PIK3C3: variants seen among roughly 807,000 people sequenced by gnomAD.
PIK3C3 encodes PI3-kinase type 3.
PIK3C3 carries 95 observed loss-of-function variants against 126.1 expected under a neutral mutation model. The observed-to-expected ratio is 0.75, with a 90% CI of 0.64 to 0.89. The LOEUF (loss-of-function observed/expected upper bound fraction) is 0.89. PIK3C3 is among the 40% of genes least tolerant of loss of function. The pLI, the probability that PIK3C3 is intolerant of heterozygous loss-of-function variation, is 0.00. For synonymous variants in PIK3C3, 374 were observed against 360.0 expected, an observed-to-expected ratio of 1.04 and a Z score of -0.44; for missense variants, 829 against 1,063.2, an observed-to-expected ratio of 0.78 and a Z score of 3.06.
chr18:42,070,495 T>A (rs1218483727), intron 24 of PIK3C3: 1 of 152,092 alleles, frequency 6.6e-6, no homozygotes, highest in Non-Finnish European at 1.5e-5. Context: ...TTTTCTTAAT[T>A]CTCTTTATTA....
chr18:42,021,442 A>G (rs1416988546), intron 13 of PIK3C3, among the ~76,000 whole-genome samples: 6 of 152,188 alleles, frequency 3.9e-5, no homozygotes, highest in East Asian at 1.9e-4. Flanking sequence ...TTTTGCTTCA[A>G]TAAAAAAAAA....
chr18:42,027,350 AAATT>A (rs1404135911), intron 13 of PIK3C3, 89 bp from the exon 14 acceptor site: 37 of 570,530 alleles, frequency 6.5e-5, no homozygotes, highest in African/African-American at 5.9e-4. Context: ...TTGCATATGT[AAATT>A]AATCTGTTTT....
At position 42,027,562 on chromosome 18, in the gene PIK3C3, G is replaced by T; in HGVS notation, c.1590+14G>T. On this transcript the variant is annotated intron_variant, in intron 14 of 24. Coordinates refer to ENST00000262039, the MANE Select transcript of PIK3C3 (RefSeq NM_002647.4). ...GCATTGTTGAAGGTAACCCTTAAAT[G>T]TGAGGGTTGGCAAACTGCAGCACAT... The T allele has an allele frequency of 6.6e-7, 1 of 1,522,602 alleles. No homozygotes were observed. Among genetic ancestry groups the T allele is most frequent in the Non-Finnish European group, 9.1e-7 (1 of 1,099,636 alleles). The allele number at this position is 1,522,602 out of a possible 1,614,324, so 94.3% of individuals were successfully genotyped here. A position where few individuals can be genotyped will look rare whatever the true frequency, so the allele number is the denominator to read the frequency against.
intron 19 of PIK3C3, among the ~76,000 whole-genome samples, chr18:42,042,478 C>A (rs1984366112): frequency 1.3e-5 from 2 of 152,174 alleles, no homozygotes; most frequent in South Asian, 4.1e-4. Context: ...CCCTTCAAGA[C>A]ACCAGTTTTT....
intron 10 of PIK3C3, among the ~76,000 whole-genome samples, chr18:42,005,258 C>T (rs951490559): frequency 1.3e-5 from 2 of 152,126 alleles, no homozygotes; most frequent in Admixed American, 1.3e-4. Flanking sequence ...GGTTACAAAC[C>T]TGTATAGCAT....
intron 22 of PIK3C3, among the ~76,000 whole-genome samples, chr18:42,062,438 A>T (rs936528550): frequency 1.4e-5 from 2 of 146,896 alleles, no homozygotes; most frequent in African/African-American, 2.5e-5. Flanking sequence ...ACATTATGAG[A>T]TTTTTTTTTT....
In PIK3C3 at chr18:41,955,308, A is replaced by C. The variant is rs1382288673; in HGVS notation, c.17A>C (p.Lys6Thr). MGEAE[K>T]FHYIYSCDLD... is the part of the protein sequence containing the mutation. Reference sequence around the variant, plus strand: ...GACGGTGCGATGGGGGAAGCAGAGAAGTTTCACTACATCTATAGTTGTGAC... The same window carrying C: ...GACGGTGCGATGGGGGAAGCAGAGACGTTTCACTACATCTATAGTTGTGAC... The change falls in exon 1 of 25, where the codon AAG becomes ACG. Residue 6 changes from lysine to threonine, a missense_variant. By Grantham distance (78) the Lys-to-Thr change is moderately conservative (BLOSUM62 -1). This residue lies in a region of PIK3C3 where 313 missense variants were observed against 340.7 expected (regional missense o/e 0.92). Transcript: ENST00000262039. 28 of 1,613,430 alleles carry C rather than the reference A, an allele frequency of 1.7e-5. No homozygotes were observed. In the Admixed American group the frequency reaches 4.7e-4, roughly 27 times the overall value.
chr18:41,992,029 T>C (rs1981803233), intron 6 of PIK3C3, among the ~76,000 whole-genome samples: 1 of 152,180 alleles, frequency 6.6e-6, no homozygotes, highest in African/African-American at 2.4e-5. Flanking sequence ...ACTGGAGATG[T>C]GAAGGATCCT....
chr18:41,968,308 A>G (rs111678637), intron 3 of PIK3C3, among the ~76,000 whole-genome samples: 1 of 152,154 alleles, frequency 6.6e-6, no homozygotes, highest in Admixed American at 6.5e-5. Context: ...TTATCATCTC[A>G]CTGTACGTAG....
intron 4 of PIK3C3, among the ~76,000 whole-genome samples, chr18:41,985,460 C>T (rs965801115): frequency 6.6e-6 from 1 of 152,112 alleles, no homozygotes; most frequent in African/African-American, 2.4e-5. Flanking sequence ...ATTTCCATAG[C>T]ATAAATGGTA....
intron 3 of PIK3C3, among the ~76,000 whole-genome samples, chr18:41,966,177 CTTTTTTTTT>C (rs10539758): frequency 1.8e-5 from 2 of 112,574 alleles, no homozygotes; most frequent in African/African-American, 7.4e-5. Flanking sequence ...TATATTGTTC[CTTTTTTTTT>C]TTTTTTTTTT....
At chr18:42,049,416 A>G (rs1404073864) in intron 20 of PIK3C3, 115 bp from the exon 21 acceptor site, 1 of 594,674 alleles carries the variant, frequency 1.7e-6, no homozygotes, top group Non-Finnish European at 2.9e-6. Flanking sequence ...ATGAGAAACC[A>G]GAGACATTAG....
chr18:41,962,290 T>C (rs1980127613), intron 2 of PIK3C3, among the ~76,000 whole-genome samples, 199 bp from the exon 3 acceptor site: 1 of 152,198 alleles, frequency 6.6e-6, no homozygotes, highest in South Asian at 2.1e-4. Flanking sequence ...TTTCATGAGC[T>C]CTATTAAAAC....
At chr18:42,023,876 T>G (rs758862215) in intron 13 of PIK3C3, among the ~76,000 whole-genome samples, 5 of 152,218 alleles carry the variant, frequency 3.3e-5, no homozygotes, top group Non-Finnish European at 7.3e-5. Context: ...TTGTTCCCTT[T>G]CTGGTGATTT....
At position 42,043,717 on chromosome 18, in the gene PIK3C3, A is replaced by C. The variant is rs779267503; in HGVS notation, c.2104-16A>C. 1 of 1,555,940 alleles carries C rather than the reference A, an allele frequency of 6.4e-7. No individual in the cohort carries two copies. The highest frequency in any genetic ancestry group is 1.4e-5 in the African/African-American group (1 of 73,698). ...TTTGTACTTAATTCTAAAACATGTA[A>C]ATAATGTCTTTTCAGAACTTTTTTA... On this transcript the variant is annotated splice_polypyrimidine_tract_variant and intron_variant, in intron 19 of 24. Coordinates refer to ENST00000262039, the MANE Select transcript of PIK3C3 (RefSeq NM_002647.4).
intron 4 of PIK3C3, among the ~76,000 whole-genome samples, chr18:41,980,954 A>G (rs1253375893): frequency 6.6e-6 from 1 of 152,212 alleles, no homozygotes; most frequent in Non-Finnish European, 1.5e-5. Flanking sequence ...GTAAATGACA[A>G]TAATAAACAA....
chr18:42,067,397 A>T lies in PIK3C3; in HGVS notation c.2533A>T (p.Lys845Ter). The T allele has an allele frequency of 6.2e-7, 1 of 1,614,074 alleles. No individual in the cohort carries two copies. The highest frequency in any genetic ancestry group is 8.5e-7 in the Non-Finnish European group (1 of 1,179,924). The change falls in exon 24 of 25, where the codon AAA becomes TAA. Residue 845 changes from lysine to a stop codon, truncating the protein, a stop_gained. Transcript: ENST00000262039. LOFTEE classifies it high-confidence loss of function. ...GAGTGTTATCTTATAGGTTCAGGAT[A>T]AATTCCGCTTAGACCTGTCGGATGA... ...PDKTVKKVQD[K>*]FRLDLSDEEA...
At chr18:41,957,789 C>T (rs758034652) in intron 2 of PIK3C3, 31 bp downstream of exon 2, 1 of 1,533,628 alleles carries the variant, frequency 6.5e-7, no homozygotes, top group African/African-American at 1.4e-5. Flanking sequence ...TGGTATGTTA[C>T]AGACTGTTCT....
rs879781011 is a variant in PIK3C3, at chr18:42,076,196, A to ATATATATG, written c.2650-4927_2650-4926insTATATATG. On this transcript the variant is annotated intron_variant, in intron 24 of 24. Transcript: ENST00000262039. ...TATATATGCACATATATATATGCAC[A>ATATATATG]CATATATATATGCACATATATATAT... Among the ~76,000 whole-genome samples the ATATATATG allele has an allele frequency of 1.0e-4, 11 of 106,800 alleles. 1 individual carries two copies. The highest frequency in any genetic ancestry group is 4.6e-4 in the African/African-American group (11 of 23,710). The allele number at this position is 106,800 out of a possible 152,430, so 70.1% of individuals were successfully genotyped here.
Sources: allele counts gnomAD v4.1 joint callset (sites outside exome capture counted in the v4.1 genomes callset), GRCh38; gene constraint gnomAD v4.1.1; regional missense constraint gnomAD v4.1.1; transcripts MANE v1.5; gene names NCBI Gene and HGNC (gene_info 2026-07-23, HGNC 2026-07-21).